The following FANCD2 variants were observed in gnomAD, a reference collection of about 807,000 sequenced individuals.
The protein encoded by FANCD2 is Fanconi anemia group D2 protein.
In FANCD2, 131 loss-of-function variants were observed where a neutral mutation model predicts 192.3. The ratio of observed to expected loss-of-function variants is 0.68; its 90% CI spans 0.59 to 0.79. The LOEUF (loss-of-function observed/expected upper bound fraction) is 0.79. Ranked by LOEUF, FANCD2 falls within the 30% of genes least tolerant of loss-of-function variation. FANCD2 has a pLI of 0.00. For synonymous variants in FANCD2, 524 were observed against 612.5 expected, an observed-to-expected ratio of 0.86 and a Z score of 2.13; for missense variants, 1,508 against 1,701.6, an observed-to-expected ratio of 0.89 and a Z score of 2.00.
Position 10,041,843 on chromosome 3 carries a change from T to TC in FANCD2, c.783+133_783+134insC, listed in dbSNP as rs1491375951. 6.4e-3 allele frequency: 648 copies of TC among 100,906 alleles called. 1 individual carries two copies. In the African/African-American group the frequency reaches 0.078, roughly 12 times the overall value. The allele number at this position is 100,906 out of a possible 1,614,324, so 6.3% of individuals were successfully genotyped here. On this transcript the variant is annotated intron_variant, in intron 10 of 43. Transcript: ENST00000675286. ...TAGTGAATCACATTTGATATCTCTC[T>TC]TTTTTTTTTTTTTTCCCCTCAATGA...
chr3:10,091,227 C>G (rs1197613081), intron 37 of FANCD2, among the ~76,000 whole-genome samples: 1 of 150,262 alleles, frequency 6.7e-6, no homozygotes, highest in African/African-American at 2.5e-5. Context: ...ACCACAGGTG[C>G]ACGCCACCAT....
At chr3:10,086,297 G>GTAGGAAGACCT (rs1171798708) in intron 33 of FANCD2, among the ~76,000 whole-genome samples, 1 of 152,134 alleles carries the variant, frequency 6.6e-6, no homozygotes, top group Non-Finnish European at 1.5e-5. Context: ...CCCTTGTCTT[G>GTAGGAAGACCT]TAGGAAGACC....
intron 20 of FANCD2, 52 bp downstream of exon 20, chr3:10,062,263 G>C: frequency 3.1e-6 from 4 of 1,291,814 alleles, no homozygotes; most frequent in Non-Finnish European, 3.3e-6. Flanking sequence ...TTTTTTTTTA[G>C]AGAGTCTCGC....
chr3:10,058,979 T>G (rs1353003922), intron 18 of FANCD2, among the ~76,000 whole-genome samples: 1 of 152,200 alleles, frequency 6.6e-6, no homozygotes, highest in African/African-American at 2.4e-5. Context: ...TTCCATTTCC[T>G]TATGTCTTTA....
chr3:10,043,100 A>T lies in FANCD2; in HGVS notation c.939A>T (p.Pro313=), dbSNP rs756966238. 2 of 1,614,024 alleles carry T rather than the reference A, an allele frequency of 1.2e-6. No individual in the cohort carries two copies. The highest frequency in any genetic ancestry group is 1.3e-5 in the African/African-American group (1 of 74,920). Residue 313 remains proline, a synonymous_variant, in exon 12 of 44, where the codon CCA becomes CCT. Transcript: ENST00000675286. ...EKLDLQHCVL[P]SRLQASQVKL... ...TGGATCTGCAGCATTGTGTTTTGCC[A>T]TCACGGTTACAGGCTTCCCAAGTAA... is the stretch of plus-strand genomic sequence containing the variant.
intron 15 of FANCD2, 91 bp from the exon 16 acceptor site, chr3:10,047,826 G>A (rs1322003835): frequency 6.6e-7 from 1 of 1,511,604 alleles, no homozygotes; most frequent in African/African-American, 1.4e-5. Flanking sequence ...GGGAGGAGAA[G>A]TCTGACATTC....
chr3:10,051,465 AG>A (rs55951691), intron 17 of FANCD2, among the ~76,000 whole-genome samples: 127,556 of 127,556 alleles, frequency 1, 63,778 homozygotes, highest in Non-Finnish European at 1. Context: ...TTGAAGATGG[AG>A]GCAGAGGCTA....
rs553933973 is a variant in FANCD2, at chr3:10,043,206, A to G, written c.989+56A>G. On this transcript the variant is annotated intron_variant, in intron 12 of 43. Transcript: ENST00000675286. ...CAATTTTCTGACATCCCACTGTCAG[A>G]GTTAGAGCTTAATACTACTACAAAT... is the stretch of plus-strand genomic sequence containing the variant. 3 of 1,293,582 alleles carry G rather than the reference A, an allele frequency of 2.3e-6. No individual in the cohort carries two copies. The South Asian group carries it at 3.6e-5, about 15-fold the overall frequency. The allele number at this position is 1,293,582 out of a possible 1,614,324, so 80.1% of individuals were successfully genotyped here. A position where few individuals can be genotyped will look rare whatever the true frequency, so the allele number is the denominator to read the frequency against.
In FANCD2 at chr3:10,098,709, T is replaced by A; in HGVS notation, c.4186-11T>A. 2.5e-6 allele frequency: 4 copies of A among 1,614,122 alleles called. No homozygotes were observed. The highest frequency in any genetic ancestry group is 3.4e-6 in the Non-Finnish European group (4 of 1,179,972). On this transcript the variant is annotated splice_polypyrimidine_tract_variant and intron_variant, in intron 42 of 43. Coordinates refer to ENST00000675286, the MANE Select transcript of FANCD2 (RefSeq NM_001018115.3). ...TATAACCCACCATTTTCTTGGTCCATTCACATTTAGGGTGAAGAGATTAAG... is the reference window on the plus strand; with the variant it reads ...TATAACCCACCATTTTCTTGGTCCAATCACATTTAGGGTGAAGAGATTAAG...
At chr3:10,075,579 G>A (rs1693487882) in intron 29 of FANCD2, among the ~76,000 whole-genome samples, 1 of 152,174 alleles carries the variant, frequency 6.6e-6, no homozygotes, top group African/African-American at 2.4e-5. Context: ...GAAGTTGGGA[G>A]TAGAGGACAT....
Position 10,062,219 on chromosome 3 carries a change from CT to C in FANCD2, c.1827+15del. On this transcript the variant is annotated intron_variant, in intron 20 of 43. Transcript: ENST00000675286. Reference sequence around the variant, plus strand: ...GATGAGCAGTGCACACAGGTGAGTTCTTTTTTTCCTTTCTTTCTTTTTCCTG... The same window carrying C: ...GATGAGCAGTGCACACAGGTGAGTTCTTTTTTCCTTTCTTTCTTTTTCCTG... The C allele has an allele frequency of 1.9e-6, 3 of 1,593,660 alleles. No individual in the cohort carries two copies. Among genetic ancestry groups the C allele is most frequent in the Non-Finnish European group, 2.6e-6 (3 of 1,163,700 alleles).
intron 26 of FANCD2, among the ~76,000 whole-genome samples, chr3:10,068,892 G>A (rs540875917): frequency 2.0e-5 from 3 of 152,260 alleles, no homozygotes; most frequent in Non-Finnish European, 4.4e-5. Flanking sequence ...ATACATTGGG[G>A]AAAGACACTC....
At chr3:10,088,751 C>T (rs372696571) in intron 35 of FANCD2, 77 bp from the exon 36 acceptor site, 1 of 1,477,620 alleles carries the variant, frequency 6.8e-7, no homozygotes, top group East Asian at 2.3e-5. Context: ...TAATTCAGAT[C>T]ATAGAGGAAT....
At chr3:10,048,334 G>T (rs1423575322) in intron 16 of FANCD2, among the ~76,000 whole-genome samples, 1 of 143,106 alleles carries the variant, frequency 7.0e-6, no homozygotes, top group South Asian at 2.2e-4. Flanking sequence ...ACGTGGTTTT[G>T]CTCTTCATGC....
At chr3:10,057,793 A>G (rs1159466495) in intron 18 of FANCD2, among the ~76,000 whole-genome samples, 1 of 152,222 alleles carries the variant, frequency 6.6e-6, no homozygotes, top group Admixed American at 6.5e-5. Flanking sequence ...TTAAAATTAA[A>G]AAAAACAGCA....
At chr3:10,058,920 T>C (rs1222905939) in intron 18 of FANCD2, among the ~76,000 whole-genome samples, 2 of 152,240 alleles carry the variant, frequency 1.3e-5, no homozygotes, top group Non-Finnish European at 2.9e-5. Context: ...TCACTTTGAA[T>C]GGTATTAGCA....
chr3:10,087,103 G>T, intron 33 of FANCD2, 31 bp from the exon 34 acceptor site: 1 of 1,612,830 alleles, frequency 6.2e-7, no homozygotes. Flanking sequence ...GGATACTATT[G>T]CATTTGTTTG....
chr3:10,085,082 AGG>A (rs1426567166), intron 32 of FANCD2, among the ~76,000 whole-genome samples: 2 of 152,226 alleles, frequency 1.3e-5, no homozygotes, highest in Non-Finnish European at 2.9e-5. Flanking sequence ...ATGTAGGAGA[AGG>A]GGTAAGTACC....
At chr3:10,060,565 A>G (rs1206657249) in intron 19 of FANCD2, among the ~76,000 whole-genome samples, 162 bp downstream of exon 19, 1 of 152,228 alleles carries the variant, frequency 6.6e-6, no homozygotes, top group African/African-American at 2.4e-5. Context: ...GACTGTATAT[A>G]TTACCATGTA....
Sources: allele counts gnomAD v4.1 joint callset (sites outside exome capture counted in the v4.1 genomes callset), GRCh38; gene constraint gnomAD v4.1.1; transcripts MANE v1.5; gene names NCBI Gene and HGNC (gene_info 2026-07-23, HGNC 2026-07-21).